DNM2: variants seen among roughly 807,000 people sequenced by gnomAD.
DNM2 encodes the protein dynamin-2.
A neutral mutation model predicts 99.0 loss-of-function variants in DNM2; 15 were observed. The observed-to-expected ratio is 0.15, with a 90% CI of 0.10 to 0.23. The LOEUF (loss-of-function observed/expected upper bound fraction) is 0.23. Among genes scored for constraint, DNM2 ranks in the 10% least tolerant of loss-of-function variants. The pLI, the probability that DNM2 is intolerant of heterozygous loss-of-function variation, is 1.00. For missense variants in DNM2, 742 were observed against 1,189.4 expected, an observed-to-expected ratio of 0.62 and a Z score of 5.53; for synonymous variants, 525 against 481.2, an observed-to-expected ratio of 1.09 and a Z score of -1.19.
In DNM2 at chr19:10,829,344, C is replaced by A. The variant is rs549460998; in HGVS notation, c.2291+76C>A. On this transcript the variant is annotated intron_variant, in intron 19 of 20. Coordinates refer to ENST00000389253, the MANE Select transcript of DNM2 (RefSeq NM_001005361.3). ...GCCCTCCCTGTGTGTCCTGCAGGGTCCTGGCAGGAAACAGGACACAGCCCA... is the reference window on the plus strand; with the variant it reads ...GCCCTCCCTGTGTGTCCTGCAGGGTACTGGCAGGAAACAGGACACAGCCCA... 1.9e-6 allele frequency: 3 copies of A among 1,547,124 alleles called. No individual in the cohort carries two copies. The South Asian group carries it at 3.4e-5, about 18-fold the overall frequency.
intron 1 of DNM2, among the ~76,000 whole-genome samples, chr19:10,735,229 G>A (rs1288480273): frequency 2.6e-5 from 4 of 151,708 alleles, no homozygotes; most frequent in African/African-American, 4.8e-5. Flanking sequence ...TTTTTTAGAC[G>A]GGGTTTCACC....
At chr19:10,787,255 A>G (rs548994861) in intron 7 of DNM2, among the ~76,000 whole-genome samples, 1 of 152,082 alleles carries the variant, frequency 6.6e-6, no homozygotes, top group Admixed American at 6.6e-5. Flanking sequence ...GGATCATGTC[A>G]GGAGATCGAG....
rs753864825 is a variant in DNM2 at position 10,823,422 on chromosome 19, T to A, written c.1782-366T>A. Reference sequence around the variant, plus strand: ...CTCCGTCTCAAAAAAAAAAAATAAATAATAATAATAATAATAAAGTTCTGG... The same window carrying A: ...CTCCGTCTCAAAAAAAAAAAATAAAAAATAATAATAATAATAAAGTTCTGG... On this transcript the variant is annotated intron_variant, in intron 16 of 20. Transcript: ENST00000389253. The A allele has an allele frequency of 3.6e-3, 538 of 151,120 alleles. 5 individuals carry two copies. Among genetic ancestry groups the A allele is most frequent in the Middle Eastern group, 0.014 (4 of 290 alleles). 9.4% of individuals were successfully genotyped at this position (151,120 alleles called of 1,614,324 possible).
intron 18 of DNM2, 46 bp downstream of exon 18, chr19:10,825,267 G>A (rs2073104346): frequency 6.2e-7 from 1 of 1,609,006 alleles, no homozygotes; most frequent in Non-Finnish European, 8.5e-7. Context: ...GGGTGCGGTG[G>A]CTCACGCCTG....
At position 10,796,880 on chromosome 19, in the gene DNM2, G is replaced by C. The variant is rs893706868; in HGVS notation, c.1197-500G>C. Among the ~76,000 whole-genome samples, 5 of 152,094 alleles carry C rather than the reference G, an allele frequency of 3.3e-5. No individual in the cohort carries two copies. Among genetic ancestry groups the C allele is most frequent in the African/African-American group, 1.2e-4 (5 of 41,424 alleles). Reference sequence around the variant, plus strand: ...CTGGTTCCCAGGGCAGCACGCTTTGGCCAAGCAGCTGAAATGCCTCCCAGT... The same window carrying C: ...CTGGTTCCCAGGGCAGCACGCTTTGCCCAAGCAGCTGAAATGCCTCCCAGT... On this transcript the variant is annotated intron_variant, in intron 9 of 20. Transcript: ENST00000389253. The surrounding 1 kb of genome is among the most constrained non-coding windows in gnomAD (Gnocchi z 5.6).
intron 15 of DNM2, among the ~76,000 whole-genome samples, chr19:10,813,327 T>A (rs2072621101): frequency 6.6e-6 from 1 of 152,216 alleles, no homozygotes; most frequent in Admixed American, 6.5e-5. Context: ...GCCTCTGCTC[T>A]CCATGCTGAC....
At chr19:10,783,902 T>C (rs2071467346) in intron 6 of DNM2, among the ~76,000 whole-genome samples, 1 of 151,964 alleles carries the variant, frequency 6.6e-6, no homozygotes, top group East Asian at 1.9e-4. Flanking sequence ...AGTTTCACCA[T>C]GTTGGCCAGG....
chr19:10,805,226 T>C (rs2072290378), intron 12 of DNM2, among the ~76,000 whole-genome samples: 1 of 152,196 alleles, frequency 6.6e-6, no homozygotes, highest in African/African-American at 2.4e-5. Flanking sequence ...TCAGGAGTCA[T>C]GCAAGATATG....
chr19:10,785,497 C>T (rs1056324579), intron 6 of DNM2, among the ~76,000 whole-genome samples: 4 of 152,182 alleles, frequency 2.6e-5, no homozygotes, highest in African/African-American at 9.7e-5. Flanking sequence ...GTGACACAAA[C>T]ACGGCTCATT....
In DNM2 at chr19:10,831,083, G is replaced by C. The variant is rs770527645; in HGVS notation, c.*36G>C. ...GGGCGTGCTCTCGGGGGGGCCTCACGCACCCGCGGCGCAGGAGCTTCAGTG... is the reference window on the plus strand; with the variant it reads ...GGGCGTGCTCTCGGGGGGGCCTCACCCACCCGCGGCGCAGGAGCTTCAGTG... On this transcript the variant is annotated 3_prime_UTR_variant, in exon 21 of 21. Transcript: ENST00000389253. The surrounding 1 kb of genome is among the most constrained non-coding windows in gnomAD (Gnocchi z 4.3). 5 of 1,566,562 alleles carry C rather than the reference G, an allele frequency of 3.2e-6. No homozygotes were observed. In the East Asian group the frequency reaches 7.0e-5, roughly 22 times the overall value.
chr19:10,799,955 C>G (rs1293364942), intron 11 of DNM2, among the ~76,000 whole-genome samples: 1 of 152,326 alleles, frequency 6.6e-6, no homozygotes, highest in African/African-American at 2.4e-5. Flanking sequence ...TCCTTATACT[C>G]TCCTGCAGCC....
intron 2 of DNM2, chr19:10,763,263 A>T (rs2070693568): frequency 6.6e-6 from 1 of 152,160 alleles, no homozygotes; most frequent in Admixed American, 6.6e-5. Flanking sequence ...TTTAGTAGAG[A>T]CGGGGTTTTA....
chr19:10,735,802 C>T lies in DNM2; in HGVS notation c.161+17399C>T, dbSNP rs148166731. ...GTGCTGGGATTACAGGCATTAACCA[C>T]TGTGCCCGGCCTTTTCTGGCACTAT... is the stretch of plus-strand genomic sequence containing the variant. On this transcript the variant is annotated intron_variant, in intron 1 of 20. Transcript: ENST00000389253. Among the ~76,000 whole-genome samples, 375 of 152,268 alleles carry T rather than the reference C, an allele frequency of 2.5e-3. 3 individuals carry two copies. The South Asian group carries it at 0.027, about 11-fold the overall frequency.
chr19:10,787,185 T>C (rs2071588477), intron 7 of DNM2, among the ~76,000 whole-genome samples: 1 of 151,660 alleles, frequency 6.6e-6, no homozygotes, highest in South Asian at 2.1e-4. Flanking sequence ...ATTGCAAAAT[T>C]AGGCTGGGCA....
intron 11 of DNM2, among the ~76,000 whole-genome samples, chr19:10,798,914 G>A (rs1393837559): frequency 1.3e-5 from 2 of 152,184 alleles, no homozygotes; most frequent in Non-Finnish European, 2.9e-5. Context: ...ATGCCCCTTT[G>A]TAGTCAACCT....
At chr19:10,759,974 CTT>C (rs1176384287) in intron 2 of DNM2, among the ~76,000 whole-genome samples, 163 bp downstream of exon 2, 3 of 152,164 alleles carry the variant, frequency 2.0e-5, no homozygotes, top group African/African-American at 7.2e-5. Context: ...TCAGTGAACA[CTT>C]ACACACCCAC....
rs1042623568 is a variant in DNM2, at chr19:10,820,473, G to A, written c.1781+384G>A. ...CCGCTGCCTTGTCCAAGTGGGCGATGATGGGGCCAGAACCCATAGGGAAGG... is the reference window on the plus strand; with the variant it reads ...CCGCTGCCTTGTCCAAGTGGGCGATAATGGGGCCAGAACCCATAGGGAAGG... On this transcript the variant is annotated intron_variant, in intron 16 of 20. Transcript: ENST00000389253. The surrounding 1 kb of genome is among the most constrained non-coding windows in gnomAD (Gnocchi z 4.3). Among the ~76,000 whole-genome samples, 2 of 152,256 alleles carry A rather than the reference G, an allele frequency of 1.3e-5. No individual in the cohort carries two copies. The highest frequency in any genetic ancestry group is 2.9e-5 in the Non-Finnish European group (2 of 68,046).
At chr19:10,753,171 T>C (rs1048892681) in intron 1 of DNM2, among the ~76,000 whole-genome samples, 1 of 152,158 alleles carries the variant, frequency 6.6e-6, no homozygotes, top group Admixed American at 6.6e-5. Flanking sequence ...AAGTTCTCAA[T>C]GCCTTGCTTG....
chr19:10,780,565 C>G (rs1037226746), intron 5 of DNM2, among the ~76,000 whole-genome samples: 1 of 152,172 alleles, frequency 6.6e-6, no homozygotes, highest in Non-Finnish European at 1.5e-5. Flanking sequence ...TTTGTGACCT[C>G]AGGCTTCAGA....
Sources: allele counts gnomAD v4.1 joint callset (sites outside exome capture counted in the v4.1 genomes callset), GRCh38; gene constraint gnomAD v4.1.1; non-coding constraint Gnocchi (gnomAD v3.1); transcripts MANE v1.5; gene names NCBI Gene and HGNC (gene_info 2026-07-23, HGNC 2026-07-21).